Variants in SACS observed in about 807,000 individuals in gnomAD.
SACS encodes sacsin.
Under a neutral mutation model 348.0 loss-of-function variants are expected in SACS, and 197 were observed. That is an observed-to-expected ratio of 0.57 (90% CI 0.50 to 0.64). The LOEUF (loss-of-function observed/expected upper bound fraction) is 0.64. Among genes scored for constraint, SACS ranks in the 30% least tolerant of loss-of-function variants. The pLI, the probability that SACS is intolerant of heterozygous loss-of-function variation, is 0.00. For missense variants in SACS, 4,999 were observed against 5,360.8 expected (o/e 0.93, Z 2.11); for synonymous variants, 1,985 against 1,910.6 (o/e 1.04, Z -1.02).
At position 23,332,566 on chromosome 13, in the gene SACS, T is replaced by C. The variant is rs1438596591; in HGVS notation, c.11310A>G (p.Ala3770=). The change falls in exon 10 of 10, where the codon GCA becomes GCG. Residue 3770 remains alanine (A), a synonymous_variant. Coordinates refer to ENST00000382292, the MANE Select transcript of SACS (RefSeq NM_014363.6). ...ATTCATATATGCTCCTTAAGACTTTTGCTCTAGTTTTTACCATTTCTTCAT... is the reference window on the plus strand; with the variant it reads ...ATTCATATATGCTCCTTAAGACTTTCGCTCTAGTTTTTACCATTTCTTCAT... The part of the protein sequence containing the change: ...TLDEEMVKTR[A]KVLRSIYEFL... The C allele has an allele frequency of 1.2e-6, 2 of 1,613,932 alleles. No homozygotes were observed. Among genetic ancestry groups the C allele is most frequent in the Non-Finnish European group, 1.7e-6 (2 of 1,179,910 alleles).
Position 23,331,638 on chromosome 13 carries a change from C to T in SACS, c.12238G>A (p.Gly4080Ser), listed in dbSNP as rs1395018947. 6.2e-7 allele frequency: 1 copy of T among 1,613,778 alleles called. No homozygotes were observed. The highest frequency in any genetic ancestry group is 8.5e-7 in the Non-Finnish European group (1 of 1,179,930). Residue 4080 changes from glycine (G) to serine (S), a missense_variant, in exon 10 of 10, where the codon GGT becomes AGT. Around this residue, in one of 6 missense-constraint regions of SACS, gnomAD observed 831 missense variants for 941.8 expected, o/e 0.88. Transcript: ENST00000382292. ...SETFAFLKRF[G>S]NAVILLYIQH... ...ATGTAGAGCAAGATGACTGCATTAC[C>T]AAATCGCTTCAAAAAAGCAAAAGTT...
rs941209780 is a variant in SACS, at chr13:23,355,871, A to C, written c.741T>G (p.Phe247Leu). 1 of 1,614,238 alleles carries C rather than the reference A, an allele frequency of 6.2e-7. No individual in the cohort carries two copies. The highest frequency in any genetic ancestry group is 8.5e-7 in the Non-Finnish European group (1 of 1,180,034). ...SKEISELSDQFAPFVGIFGST... is the reference protein window; with the variant it reads ...SKEISELSDQLAPFVGIFGST... ...TTCCAAAAATGCCAACAAATGGTGC[A>C]AACTGGTCTGAAAGTTCACTAATTT... Residue 247 changes from phenylalanine (F) to leucine (L), a missense_variant, in exon 8 of 10, where the codon TTT (phenylalanine) becomes TTG (leucine). By Grantham distance (22) the Phe-to-Leu change is conservative. Coordinates refer to ENST00000382292, the MANE Select transcript of SACS (RefSeq NM_014363.6).
chr13:23,384,220 G>A (rs887375658), intron 2 of SACS, among the ~76,000 whole-genome samples: 13 of 152,222 alleles, frequency 8.5e-5, no homozygotes, highest in African/African-American at 1.9e-4. Flanking sequence ...AGCCAAGCCC[G>A]TGCAAGGTGA....
intron 1 of SACS, among the ~76,000 whole-genome samples, chr13:23,432,671 A>G (rs1466424659): frequency 6.7e-6 from 1 of 149,808 alleles, no homozygotes; most frequent in Admixed American, 6.6e-5. Flanking sequence ...ATTATTTATT[A>G]TTATTATTAT....
chr13:23,397,140 A>C (rs865878151), intron 2 of SACS, among the ~76,000 whole-genome samples: 27 of 145,622 alleles, frequency 1.9e-4, no homozygotes, highest in Non-Finnish European at 3.2e-4. Flanking sequence ...TCTACTTCCT[A>C]GTTCTCTCTG....
At chr13:23,385,121 G>A (rs1298908161) in intron 2 of SACS, among the ~76,000 whole-genome samples, 1 of 147,660 alleles carries the variant, frequency 6.8e-6, no homozygotes, top group Non-Finnish European at 1.5e-5. Flanking sequence ...CAGCCTGGGC[G>A]ACAGAGGGAG....
At chr13:23,370,267 C>T (rs945779639) in intron 4 of SACS, among the ~76,000 whole-genome samples, 1 of 152,174 alleles carries the variant, frequency 6.6e-6, no homozygotes, top group Admixed American at 6.5e-5. Flanking sequence ...AAAACATAAT[C>T]TTTAAAACAG....
intron 5 of SACS, 104 bp from the exon 6 acceptor site, chr13:23,365,381 A>C (rs369090083): frequency 1.4e-6 from 1 of 701,382 alleles, no homozygotes; most frequent in East Asian, 2.9e-5. Flanking sequence ...ACTTAAATAA[A>C]GGAAACCCAC....
chr13:23,380,229 T>C (rs1029121191), intron 2 of SACS, among the ~76,000 whole-genome samples: 3 of 151,998 alleles, frequency 2.0e-5, no homozygotes, highest in Admixed American at 6.6e-5. Context: ...TTAGAAAGGA[T>C]GATGCTGACT....
intron 9 of SACS, among the ~76,000 whole-genome samples, chr13:23,346,302 G>A (rs930700777): frequency 3.3e-5 from 5 of 152,046 alleles, no homozygotes; most frequent in African/African-American, 9.7e-5. Flanking sequence ...CTGCCACCAC[G>A]CCTGGCTAAT....
At chr13:23,381,355 G>GCACACA (rs71100174) in intron 2 of SACS, among the ~76,000 whole-genome samples, 8,945 of 139,964 alleles carry the variant, frequency 0.064, 371 homozygotes, top group African/African-American at 0.1. Flanking sequence ...GCAGCACGAA[G>GCACACA]CACACACACA....
Position 23,333,301 on chromosome 13 carries a change from C to G in SACS, c.10575G>C (p.Leu3525Phe). Residue 3525 changes from leucine to phenylalanine, a missense_variant, in exon 10 of 10, where the codon TTG (leucine) becomes TTC (phenylalanine). By Grantham distance (22) the Leu-to-Phe change is conservative. Around this residue, in one of 6 missense-constraint regions of SACS, gnomAD observed 831 missense variants for 941.8 expected, o/e 0.88. Coordinates refer to ENST00000382292, the MANE Select transcript of SACS (RefSeq NM_014363.6). ...EQLFEKLESL[L>F]IIHDANSRLK... ...GTCTACTGTTAGCATCATGGATTAT[C>G]AATAAACTTTCCAGTTTTTCAAAAA... 6.2e-7 allele frequency: 1 copy of G among 1,604,982 alleles called. No homozygotes were observed. The highest frequency in any genetic ancestry group is 2.2e-5 in the East Asian group (1 of 44,776).
At position 23,347,874 on chromosome 13, in the gene SACS, T is replaced by C. The variant is rs115294273; in HGVS notation, c.2185+5911A>G. ...AAAGCATGGAACTAAGGGAAGGAGA[T>C]TAAAAATAGCAAATATCAATAGAAC... On this transcript the variant is annotated intron_variant, in intron 9 of 9. Coordinates refer to ENST00000382292, the MANE Select transcript of SACS (RefSeq NM_014363.6). 5.1e-3 allele frequency among the ~76,000 whole-genome samples: 781 copies of C among 151,784 alleles called. 5 individuals carry two copies. The highest frequency in any genetic ancestry group is 0.018 in the African/African-American group (756 of 41,226).
At position 23,352,950 on chromosome 13, in the gene SACS, A is replaced by G. The variant is rs375617229; in HGVS notation, c.2185+835T>C. On this transcript the variant is annotated intron_variant, in intron 9 of 9. Coordinates refer to ENST00000382292, the MANE Select transcript of SACS (RefSeq NM_014363.6). ...AATGATTAGCAACTTTCCCTAAGCC[A>G]TTATCCTGGACAAGAAAAAAGTACA... Among the ~76,000 whole-genome samples the G allele has an allele frequency of 2.6e-5, 4 of 152,190 alleles. No individual in the cohort carries two copies. In the East Asian group the frequency reaches 7.7e-4, roughly 29 times the overall value.
rs374313303 is a variant in SACS, at chr13:23,330,125, G to A, written c.*11C>T. 24 of 1,602,504 alleles carry A rather than the reference G, an allele frequency of 1.5e-5. No homozygotes were observed. The highest frequency in any genetic ancestry group is 1.9e-5 in the Non-Finnish European group (22 of 1,174,602). ...ACATTCAAGATCTACCTTTTTTTTC[G>A]TTAAATATCTTCACACTTTTTGTTG... On this transcript the variant is annotated 3_prime_UTR_variant, in exon 10 of 10. Transcript: ENST00000382292.
chr13:23,418,007 C>T lies in SACS; in HGVS notation c.-501-6267G>A, dbSNP rs145037464. On this transcript the variant is annotated intron_variant, in intron 1 of 9. Coordinates refer to ENST00000382292, the MANE Select transcript of SACS (RefSeq NM_014363.6). ...TCACTTGAGCCCAGGAGGCAGTCTG[C>T]AATGAGCTTAGACTGCATCATTGCA... Among the ~76,000 whole-genome samples, 292 of 142,664 alleles carry T rather than the reference C, an allele frequency of 2.0e-3. 1 individual carries two copies. The highest frequency in any genetic ancestry group is 6.0e-3 in the African/African-American group (224 of 37,602). 93.6% of individuals were successfully genotyped at this position (142,664 alleles called of 152,430 possible).
At chr13:23,400,892 A>C (rs974849706) in intron 2 of SACS, among the ~76,000 whole-genome samples, 4 of 152,184 alleles carry the variant, frequency 2.6e-5, no homozygotes, top group African/African-American at 9.7e-5. Flanking sequence ...GGCCCTTGGA[A>C]AATCCTCCCA....
intron 2 of SACS, among the ~76,000 whole-genome samples, chr13:23,405,722 T>C (rs956357117): frequency 2.7e-5 from 4 of 150,254 alleles, no homozygotes; most frequent in African/African-American, 4.9e-5. Context: ...CATTAAAAAG[T>C]GGACAAAGGA....
Position 23,336,844 on chromosome 13 carries a change from A to G in SACS, c.7032T>C (p.Phe2344=), listed in dbSNP as rs746413291. The change falls in exon 10 of 10, where the codon TTT becomes TTC. Residue 2344 remains phenylalanine, a synonymous_variant. Coordinates refer to ENST00000382292, the MANE Select transcript of SACS (RefSeq NM_014363.6). ...ATGCATTCTCAACTAGAATGAAGCTAAAGGGTTTTAACTTATCAATAATTG... is the reference window on the plus strand; with the variant it reads ...ATGCATTCTCAACTAGAATGAAGCTGAAGGGTTTTAACTTATCAATAATTG... ...KMSIIDKLKP[F]SFILVENAYV... is the part of the protein sequence containing the mutation. 1.2e-6 allele frequency: 2 copies of G among 1,613,614 alleles called. No homozygotes were observed. The highest frequency in any genetic ancestry group is 2.2e-5 in the East Asian group (1 of 44,866).
Sources: gnomAD v4.1 joint callset for allele counts (sites outside exome capture counted in the v4.1 genomes callset) on GRCh38, gnomAD v4.1.1 for gene constraint, gnomAD v4.1.1 regional missense constraint, MANE v1.5 for transcripts, NCBI Gene and HGNC (gene_info 2026-07-23, HGNC 2026-07-21) for gene names.